RANBP2: variants seen among roughly 807,000 people sequenced by gnomAD.
RANBP2 encodes the protein RAN binding protein 2, also known as E3 SUMO-protein ligase RanBP2.
In RANBP2, 57 loss-of-function variants were observed where a neutral mutation model predicts 303.6. The ratio of observed to expected loss-of-function variants is 0.19; its 90% CI spans 0.15 to 0.23. RANBP2 has a LOEUF of 0.23. RANBP2 is among the 10% of genes least tolerant of loss of function. The probability of loss-of-function intolerance (pLI) is 1.00; values close to 1 mark genes in which losing one functional copy is unlikely to be tolerated. For missense variants in RANBP2, 3,138 were observed against 3,780.8 expected (o/e 0.83, Z 4.46); for synonymous variants, 1,167 against 1,301.5 (o/e 0.90, Z 2.23).
At chr2:109,713,157 C>A in the RANBP2 span, among the ~76,000 whole-genome samples, 1 of 152,192 alleles carries the variant, frequency 6.6e-6, no homozygotes. Context: ...ACCGCTTTTC[C>A]TCCAGAGCAG....
At chr2:109,049,590 A>T in the RANBP2 span, among the ~76,000 whole-genome samples, 1 of 152,232 alleles carries the variant, frequency 6.6e-6, no homozygotes, top group Non-Finnish European at 1.5e-5. Flanking sequence ...ATCCAAGGAC[A>T]GAGGTGGGCC....
the RANBP2 span, among the ~76,000 whole-genome samples, chr2:109,103,440 T>A: frequency 6.6e-6 from 1 of 152,136 alleles, no homozygotes; most frequent in Non-Finnish European, 1.5e-5. Context: ...TCAATCCGTG[T>A]GAGGTATACA....
chr2:109,263,384 C>CT, the RANBP2 span, among the ~76,000 whole-genome samples: 1 of 152,114 alleles, frequency 6.6e-6, no homozygotes. Context: ...TTTATTTTGT[C>CT]TTTATTTTTT....
chr2:109,289,811 G>A, the RANBP2 span, among the ~76,000 whole-genome samples: 1 of 152,098 alleles, frequency 6.6e-6, no homozygotes, highest in Non-Finnish European at 1.5e-5. Flanking sequence ...TAAAAACTGG[G>A]GAAATCGGGA....
At chr2:109,433,258 AT>A in the RANBP2 span, among the ~76,000 whole-genome samples, 2 of 152,282 alleles carry the variant, frequency 1.3e-5, no homozygotes, top group Non-Finnish European at 2.9e-5. Flanking sequence ...ATATACATAT[AT>A]GCAAAGGAAA....
the RANBP2 span, chr2:109,543,383 T>C: frequency 6.6e-6 from 1 of 152,186 alleles, no homozygotes; most frequent in Non-Finnish European, 1.5e-5. Flanking sequence ...CTTTTAAAGA[T>C]ATTTTGTTTC....
chr2:108,766,490 G>A lies in RANBP2; in HGVS notation c.5951G>A (p.Gly1984Asp). ...AGEKLFSSQY[G>D]KMANKANTSG... ...GAAAAATTATTCTCATCACAATACG[G>A]TAAAATGGCCAATAAAGCAAACACT... Residue 1984 changes from glycine to aspartate, a missense_variant, in exon 20 of 29, where the codon GGT (glycine) becomes GAT (aspartate). By Grantham distance (94) the Gly-to-Asp change is moderately conservative. This residue lies in a region of RANBP2 where 348 missense variants were observed against 360.4 expected (regional missense o/e 0.97). Transcript: ENST00000283195. 1 of 1,611,912 alleles carries A rather than the reference G, an allele frequency of 6.2e-7. No homozygotes were observed. Among genetic ancestry groups the A allele is most frequent in the African/African-American group, 1.3e-5 (1 of 74,926 alleles).
chr2:109,418,611 G>A, the RANBP2 span, among the ~76,000 whole-genome samples: 4 of 152,044 alleles, frequency 2.6e-5, no homozygotes, highest in African/African-American at 9.7e-5. Flanking sequence ...TGGATTTGGT[G>A]CCCACTCTAA....
At chr2:108,865,354 A>T in the RANBP2 span, among the ~76,000 whole-genome samples, 1 of 152,192 alleles carries the variant, frequency 6.6e-6, no homozygotes, top group Non-Finnish European at 1.5e-5. Context: ...GGTAGTAGTG[A>T]TTTCAAATTC....
chr2:109,062,710 T>C, the RANBP2 span, among the ~76,000 whole-genome samples: 1 of 152,044 alleles, frequency 6.6e-6, no homozygotes, highest in Admixed American at 6.6e-5. Context: ...GACAGTGCCC[T>C]CTCTCGTGAG....
the RANBP2 span, among the ~76,000 whole-genome samples, chr2:108,905,638 C>T: frequency 1.3e-5 from 2 of 152,188 alleles, no homozygotes; most frequent in Admixed American, 6.5e-5. Flanking sequence ...GGGAGGCCAG[C>T]GAGTCCAGCA....
At chr2:109,006,184 C>A in the RANBP2 span, among the ~76,000 whole-genome samples, 1 of 151,316 alleles carries the variant, frequency 6.6e-6, no homozygotes, top group African/African-American at 2.4e-5. Context: ...GGGTAATTTT[C>A]TTTTTCTTTT....
the RANBP2 span, among the ~76,000 whole-genome samples, chr2:109,711,580 C>T: frequency 1.8e-4 from 28 of 152,300 alleles, no homozygotes; most frequent in African/African-American, 5.5e-4. Flanking sequence ...TCTCTGTGCC[C>T]CCTCCTTCTA....
the RANBP2 span, among the ~76,000 whole-genome samples, chr2:109,628,130 G>C: frequency 6.6e-6 from 1 of 152,136 alleles, no homozygotes; most frequent in Non-Finnish European, 1.5e-5. Context: ...TGAGCACTGG[G>C]CCTGCAGCCA....
At chr2:109,446,196 G>T in the RANBP2 span, among the ~76,000 whole-genome samples, 1 of 152,204 alleles carries the variant, frequency 6.6e-6, no homozygotes, top group East Asian at 1.9e-4. Context: ...CCTGAGCTGT[G>T]CCTTGCTTTC....
chr2:108,779,759 C>T (rs1678117054), intron 25 of RANBP2, among the ~76,000 whole-genome samples: 1 of 152,112 alleles, frequency 6.6e-6, no homozygotes, highest in African/African-American at 2.4e-5. Context: ...GAGAGTGAGA[C>T]CATCATTGTT....
chr2:109,445,402 A>G, the RANBP2 span, among the ~76,000 whole-genome samples: 1 of 152,268 alleles, frequency 6.6e-6, no homozygotes, highest in African/African-American at 2.4e-5. Flanking sequence ...TTAAAGCATC[A>G]AAGGATAAGG....
the RANBP2 span, among the ~76,000 whole-genome samples, chr2:109,571,712 G>C: frequency 6.6e-6 from 1 of 152,054 alleles, no homozygotes; most frequent in African/African-American, 2.4e-5. Flanking sequence ...TCAGGGTATC[G>C]AAACCAATCC....
At chr2:109,130,438 C>T in the RANBP2 span, among the ~76,000 whole-genome samples, 1 of 152,200 alleles carries the variant, frequency 6.6e-6, no homozygotes, top group Admixed American at 6.5e-5. Flanking sequence ...AAACGGGGAC[C>T]TTCTTCCTCT....
Sources: gnomAD v4.1 joint callset for allele counts (sites outside exome capture counted in the v4.1 genomes callset) on GRCh38, gnomAD v4.1.1 for gene constraint, gnomAD v4.1.1 regional missense constraint, MANE v1.5 for transcripts, NCBI Gene and HGNC (gene_info 2026-07-23, HGNC 2026-07-21) for gene names.